Variants in RYR2 observed in about 807,000 individuals in gnomAD.
RYR2 encodes ryanodine receptor 2, also known as cardiac muscle ryanodine receptor-calcium release channel.
In RYR2, 227 loss-of-function variants were observed where a neutral mutation model predicts 601.1. The ratio of observed to expected loss-of-function variants is 0.38; its 90% CI spans 0.34 to 0.42. RYR2 has a LOEUF of 0.42. Among genes scored for constraint, RYR2 ranks in the 10% least tolerant of loss-of-function variants. The pLI, the probability that RYR2 is intolerant of heterozygous loss-of-function variation, is 1.00. For missense variants in RYR2, 4,646 were observed against 6,156.5 expected (o/e 0.75, Z 8.21); for synonymous variants, 2,223 against 2,175.1 (o/e 1.02, Z -0.61).
chr1:237,168,129 C>G (rs1368590171), intron 1 of RYR2, among the ~76,000 whole-genome samples: 1 of 152,132 alleles, frequency 6.6e-6, no homozygotes, highest in East Asian at 1.9e-4. Flanking sequence ...TTGGAAAAGG[C>G]CTGTAGTGGC....
intron 1 of RYR2, among the ~76,000 whole-genome samples, chr1:237,099,425 A>G (rs550573721): frequency 2.0e-5 from 3 of 152,048 alleles, no homozygotes; most frequent in African/African-American, 7.2e-5. Flanking sequence ...TTTCGTAGAG[A>G]TGAGGTCTTG....
chr1:237,576,697 GA>G (rs2148334482), intron 29 of RYR2, among the ~76,000 whole-genome samples: 1 of 152,172 alleles, frequency 6.6e-6, no homozygotes, highest in East Asian at 1.9e-4. Context: ...AAAGGAAGCA[GA>G]AAAACAGTCA....
intron 67 of RYR2, 32 bp downstream of exon 67, chr1:237,705,375 T>A (rs1474096263): frequency 6.4e-7 from 1 of 1,570,716 alleles, no homozygotes; most frequent in Non-Finnish European, 8.7e-7. Flanking sequence ...TGCTTTGAGA[T>A]ATGAAGCTAA....
At chr1:237,150,643 G>T (rs1455355146) in intron 1 of RYR2, among the ~76,000 whole-genome samples, 1 of 152,090 alleles carries the variant, frequency 6.6e-6, no homozygotes, top group Non-Finnish European at 1.5e-5. Flanking sequence ...AAAAACTAGA[G>T]GTAGAACATA....
chr1:237,311,688 A>G (rs993143204), intron 2 of RYR2, among the ~76,000 whole-genome samples: 8 of 151,930 alleles, frequency 5.3e-5, no homozygotes, highest in African/African-American at 1.9e-4. Flanking sequence ...CATGTTGCCC[A>G]GTCTAGTCTG....
chr1:237,752,472 A>T (rs987796263), intron 80 of RYR2, among the ~76,000 whole-genome samples: 1 of 152,114 alleles, frequency 6.6e-6, no homozygotes, highest in African/African-American at 2.4e-5. Flanking sequence ...TAAAAAAAAA[A>T]AAAAGAAAAT....
chr1:237,163,336 C>T (rs116405572), intron 1 of RYR2, among the ~76,000 whole-genome samples: 1,639 of 105,554 alleles, frequency 0.016, 37 homozygotes, highest in African/African-American at 0.044. Context: ...CAAAAAGTAC[C>T]GCCCACCCCC....
chr1:237,781,092 G>A (rs759475161), intron 88 of RYR2, among the ~76,000 whole-genome samples: 1 of 151,662 alleles, frequency 6.6e-6, no homozygotes, highest in Non-Finnish European at 1.5e-5. Flanking sequence ...TCTGTCACCC[G>A]GGCTGGAGTG....
chr1:237,608,794 CTGTTT>C (rs1281002533), intron 35 of RYR2, among the ~76,000 whole-genome samples: 1 of 82,414 alleles, frequency 1.2e-5, no homozygotes, highest in Non-Finnish European at 2.2e-5. Flanking sequence ...TCAGACTGAC[CTGTTT>C]TTTTTTTTTT....
chr1:237,043,446 A>G (rs1415687293), intron 1 of RYR2, among the ~76,000 whole-genome samples: 2 of 152,198 alleles, frequency 1.3e-5, no homozygotes, highest in Non-Finnish European at 2.9e-5. Flanking sequence ...CCACACTAAT[A>G]CAATTCTTTC....
intron 1 of RYR2, among the ~76,000 whole-genome samples, chr1:237,074,851 G>A (rs1489616470): frequency 6.6e-6 from 1 of 152,288 alleles, no homozygotes; most frequent in African/African-American, 2.4e-5. Context: ...GGGCCATCCT[G>A]GGCAAGAGTT....
At chr1:237,334,870 C>G (rs1183737925) in intron 3 of RYR2, among the ~76,000 whole-genome samples, 1 of 152,188 alleles carries the variant, frequency 6.6e-6, no homozygotes, top group Non-Finnish European at 1.5e-5. Context: ...TCTTAGAGAA[C>G]TGCTTGAGAA....
At chr1:237,196,889 C>T (rs559110183) in intron 1 of RYR2, among the ~76,000 whole-genome samples, 1 of 152,232 alleles carries the variant, frequency 6.6e-6, no homozygotes, top group Admixed American at 6.5e-5. Flanking sequence ...TCGAGCCTTT[C>T]TATCCATAAA....
intron 1 of RYR2, among the ~76,000 whole-genome samples, chr1:237,170,074 A>G (rs893711422): frequency 3.9e-5 from 6 of 152,320 alleles, no homozygotes; most frequent in Admixed American, 3.3e-4. Context: ...GATTCTGGCA[A>G]TAGAATAAGC....
Position 237,155,320 on chromosome 1 carries a change from C to T in RYR2, c.48+112751C>T, listed in dbSNP as rs376960398. ...CCTCCCAAGTAGCTGGGACTACAGG[C>T]GCCCACCACCACGCTCGGCTAATTT... On this transcript the variant is annotated intron_variant, in intron 1 of 104. Transcript: ENST00000366574. Among the ~76,000 whole-genome samples, 11 of 151,714 alleles carry T rather than the reference C, an allele frequency of 7.3e-5. No homozygotes were observed. The East Asian group carries it at 9.7e-4, about 13-fold the overall frequency.
rs539294144 is a variant in RYR2, at chr1:237,195,544, C to T, written c.49-74953C>T. Among the ~76,000 whole-genome samples the T allele has an allele frequency of 2.2e-4, 33 of 152,330 alleles. No homozygotes were observed. The East Asian group carries it at 4.4e-3, about 20-fold the overall frequency. On this transcript the variant is annotated intron_variant, in intron 1 of 104. Transcript: ENST00000366574. ...CTGGGATTACAGGTGTGAGCCACCACGCCTGAGCCACCACACCAGGCCTCC... is the reference window on the plus strand; with the variant it reads ...CTGGGATTACAGGTGTGAGCCACCATGCCTGAGCCACCACACCAGGCCTCC...
intron 5 of RYR2, among the ~76,000 whole-genome samples, chr1:237,364,628 C>A (rs1700051631): frequency 6.6e-6 from 1 of 151,942 alleles, no homozygotes; most frequent in African/African-American, 2.4e-5. Context: ...AGCTTTGGAG[C>A]TTTTAAATTT....
At chr1:237,374,217 G>A (rs1700851189) in intron 6 of RYR2, among the ~76,000 whole-genome samples, 1 of 151,958 alleles carries the variant, frequency 6.6e-6, no homozygotes, top group Non-Finnish European at 1.5e-5. Flanking sequence ...GACTCTGCTG[G>A]TACAACTATA....
intron 79 of RYR2, among the ~76,000 whole-genome samples, chr1:237,735,412 G>A (rs969337082): frequency 2.6e-5 from 4 of 152,168 alleles, no homozygotes; most frequent in African/African-American, 9.7e-5. Flanking sequence ...TTTTTAAAGA[G>A]AGAGCCATCT....
Sources: gnomAD v4.1 joint callset for allele counts (sites outside exome capture counted in the v4.1 genomes callset) on GRCh38, gnomAD v4.1.1 for gene constraint, MANE v1.5 for transcripts, NCBI Gene and HGNC (gene_info 2026-07-23, HGNC 2026-07-21) for gene names.